POP1: variants seen among roughly 807,000 people sequenced by gnomAD.
The protein encoded by POP1 is POP1 ribonuclease P/MRP subunit.
Under a neutral mutation model 102.2 loss-of-function variants are expected in POP1, and 75 were observed. That is an observed-to-expected ratio of 0.73 (90% CI 0.61 to 0.89). The LOEUF (loss-of-function observed/expected upper bound fraction) is 0.89. Among genes scored for constraint, POP1 ranks in the 40% least tolerant of loss-of-function variants. POP1 has a pLI of 0.00. For synonymous variants in POP1, 436 were observed against 464.1 expected (o/e 0.94, Z 0.78); for missense variants, 1,116 against 1,267.4 (o/e 0.88, Z 1.81).
chr8:98,129,870 C>A (rs2130589530), intron 4 of POP1, 108 bp from the exon 5 acceptor site: 2 of 1,271,952 alleles, frequency 1.6e-6, no homozygotes, highest in Admixed American at 1.8e-5. Flanking sequence ...CTAATGGGAT[C>A]TATAAAATAT....
In POP1 at chr8:98,129,902, T is replaced by C. The variant is rs972630516; in HGVS notation, c.487-76T>C. ...ATATTCCACTTAATCTAAAGTTATT[T>C]GTTTGCATTCCTGACCGTTAACTCT... On this transcript the variant is annotated intron_variant, in intron 4 of 15. Transcript: ENST00000401707. 1.2e-5 allele frequency: 18 copies of C among 1,506,772 alleles called. No homozygotes were observed. In the African/African-American group the frequency reaches 1.5e-4, roughly 13 times the overall value. The allele number at this position is 1,506,772 out of a possible 1,614,324, so 93.3% of individuals were successfully genotyped here. A position where few individuals can be genotyped will look rare whatever the true frequency, so the allele number is the denominator to read the frequency against.
rs1809732722 is a variant in POP1 at position 98,159,086 on chromosome 8, T to C, written c.*815T>C. On this transcript the variant is annotated 3_prime_UTR_variant, in exon 16 of 16. Coordinates refer to ENST00000401707, the MANE Select transcript of POP1 (RefSeq NM_001145860.2). ...CAAGGTCAGGTTGATATGGAAACTC[T>C]AGGTTAAATAAAGTTAAGCATTTCT... is the stretch of plus-strand genomic sequence containing the variant. The C allele has an allele frequency of 1.3e-5, 2 of 152,178 alleles. No individual in the cohort carries two copies. The highest frequency in any genetic ancestry group is 1.5e-5 in the Non-Finnish European group (1 of 68,022). The allele number at this position is 152,178 out of a possible 1,614,324, so 9.4% of individuals were successfully genotyped here. A position where few individuals can be genotyped will look rare whatever the true frequency, so the allele number is the denominator to read the frequency against.
In POP1 at chr8:98,156,191, T is replaced by C. The variant is rs764185469; in HGVS notation, c.2199T>C (p.Gly733=). ...EEPSVASSPN[G]KESDLRRSEV... ...CTTCTGTAGCTTCATCTCCAAATGGTAAGGAGAGTGACCTAAGAAGATCTG... is the reference window on the plus strand; with the variant it reads ...CTTCTGTAGCTTCATCTCCAAATGGCAAGGAGAGTGACCTAAGAAGATCTG... The change falls in exon 15 of 16, where the codon GGT becomes GGC. Residue 733 remains glycine (G), a synonymous_variant. Coordinates refer to ENST00000401707, the MANE Select transcript of POP1 (RefSeq NM_001145860.2). 5.6e-6 allele frequency: 9 copies of C among 1,613,814 alleles called. No individual in the cohort carries two copies. The Admixed American group carries it at 1.2e-4, about 21-fold the overall frequency.
intron 11 of POP1, among the ~76,000 whole-genome samples, chr8:98,143,053 A>G (rs17765430): frequency 0.083 from 12,639 of 152,322 alleles, 594 homozygotes; most frequent in Non-Finnish European, 0.11. Flanking sequence ...TCAATTTAAC[A>G]TTTGGTGATC....
intron 11 of POP1, among the ~76,000 whole-genome samples, chr8:98,142,010 T>G (rs1289236716): frequency 6.6e-6 from 1 of 152,170 alleles, no homozygotes; most frequent in African/African-American, 2.4e-5. Context: ...AGCCTAAGAC[T>G]TTACTCAATG....
At chr8:98,140,686 A>G (rs1306920692) in intron 10 of POP1, 83 bp from the exon 11 acceptor site, 13 of 1,456,476 alleles carry the variant, frequency 8.9e-6, no homozygotes, top group Non-Finnish European at 1.2e-5. Flanking sequence ...TTTCATTAGG[A>G]AATCTGAAAG....
At position 98,141,154 on chromosome 8, in the gene POP1, T is replaced by A. The variant is rs1586242447; in HGVS notation, c.1594+266T>A. Among the ~76,000 whole-genome samples the A allele has an allele frequency of 5.9e-5, 9 of 151,906 alleles. 1 individual carries two copies. The highest frequency in any genetic ancestry group is 4.6e-4 in the Admixed American group (7 of 15,202). On this transcript the variant is annotated intron_variant, in intron 11 of 15. Coordinates refer to ENST00000401707, the MANE Select transcript of POP1 (RefSeq NM_001145860.2). ...TTTTTTTAGTATCTAGTAAAACCTG[T>A]CTCTCTGCAAACTACGTTCTCTGAA...
chr8:98,149,174 C>A (rs986204048), intron 13 of POP1, among the ~76,000 whole-genome samples, 168 bp downstream of exon 13: 1 of 152,154 alleles, frequency 6.6e-6, no homozygotes, highest in African/African-American at 2.4e-5. Context: ...TACATATAGT[C>A]CCTGGAGCCA....
At chr8:98,154,959 G>T (rs1221018263) in intron 14 of POP1, among the ~76,000 whole-genome samples, 1 of 152,138 alleles carries the variant, frequency 6.6e-6, no homozygotes, top group East Asian at 1.9e-4. Context: ...TAAATAAAAA[G>T]AAAGAAATAT....
intron 1 of POP1, among the ~76,000 whole-genome samples, chr8:98,118,456 C>G (rs1815912715): frequency 6.6e-6 from 1 of 152,042 alleles, no homozygotes; most frequent in Non-Finnish European, 1.5e-5. Flanking sequence ...GACAGGATCT[C>G]ACTCTGTCAC....
chr8:98,133,974 A>G lies in POP1; in HGVS notation c.761A>G (p.Glu254Gly), dbSNP rs144456097. 1 of 1,613,328 alleles carries G rather than the reference A, an allele frequency of 6.2e-7. No homozygotes were observed. Among genetic ancestry groups the G allele is most frequent in the South Asian group, 1.1e-5 (1 of 91,060 alleles). ...LQDLSYYCCLELKGKEEEILK... is the reference protein window; with the variant it reads ...LQDLSYYCCLGLKGKEEEILK... ...GATTTATCCTATTACTGTTGTTTGGAGTTGAAAGGCAAAGAGGAAGAAATA... is the reference window on the plus strand; with the variant it reads ...GATTTATCCTATTACTGTTGTTTGGGGTTGAAAGGCAAAGAGGAAGAAATA... The change falls in exon 6 of 16, where the codon GAG becomes GGG. Residue 254 changes from glutamate (E) to glycine (G), a missense_variant. Coordinates refer to ENST00000401707, the MANE Select transcript of POP1 (RefSeq NM_001145860.2).
intron 15 of POP1, among the ~76,000 whole-genome samples, chr8:98,156,979 G>A (rs2130637687): frequency 6.8e-6 from 1 of 147,154 alleles, no homozygotes. Flanking sequence ...TTGGCTCACT[G>A]CAACCTCGGC....
intron 9 of POP1, among the ~76,000 whole-genome samples, chr8:98,138,758 A>T (rs28628213): frequency 0.74 from 112,660 of 152,026 alleles, 41,992 homozygotes; most frequent in East Asian, 0.82. Flanking sequence ...GATTTGAACC[A>T]ATGAAGTTTG....
chr8:98,153,941 A>G (rs1809583166), intron 14 of POP1, among the ~76,000 whole-genome samples: 1 of 152,130 alleles, frequency 6.6e-6, no homozygotes, highest in African/African-American at 2.4e-5. Context: ...CCTGCCACTG[A>G]CATCTGAACA....
chr8:98,133,140 C>T (rs1340160827), intron 5 of POP1, among the ~76,000 whole-genome samples: 3 of 151,878 alleles, frequency 2.0e-5, no homozygotes, highest in Admixed American at 1.3e-4. Context: ...TTGCTTGAGC[C>T]CAGGAAGTTG....
At chr8:98,145,550 C>G (rs1337044735) in intron 11 of POP1, among the ~76,000 whole-genome samples, 1 of 152,122 alleles carries the variant, frequency 6.6e-6, no homozygotes, top group African/African-American at 2.4e-5. Context: ...TGAGTACTTT[C>G]TAGCACGGTA....
At chr8:98,140,251 G>A in intron 10 of POP1, 62 bp downstream of exon 10, 1 of 1,337,232 alleles carries the variant, frequency 7.5e-7, no homozygotes, top group South Asian at 1.2e-5. Flanking sequence ...GCCTTTTGCA[G>A]TTGGGCCTCC....
intron 14 of POP1, 131 bp from the exon 15 acceptor site, chr8:98,155,909 TTGTGTGTGTG>T (rs58936294): frequency 0.012 from 6,036 of 518,990 alleles, 127 homozygotes; most frequent in African/African-American, 0.077. Context: ...TGGAAAGCTT[TTGTGTGTGTG>T]TGTGTGTGTG....
chr8:98,131,205 A>G (rs1202186833), intron 5 of POP1, among the ~76,000 whole-genome samples: 4 of 152,224 alleles, frequency 2.6e-5, no homozygotes, highest in African/African-American at 9.7e-5. Context: ...ACCACCATCC[A>G]TCTCCAGAAC....
Sources: allele counts gnomAD v4.1 joint callset (sites outside exome capture counted in the v4.1 genomes callset), GRCh38; gene constraint gnomAD v4.1.1; transcripts MANE v1.5; gene names NCBI Gene and HGNC (gene_info 2026-07-23, HGNC 2026-07-21).